Variants in EPM2A observed in about 807,000 individuals in gnomAD.
EPM2A encodes the protein EPM2A glucan phosphatase, laforin.
A neutral mutation model predicts 26.5 loss-of-function variants in EPM2A; 21 were observed. The observed-to-expected ratio is 0.79, with a 90% CI of 0.56 to 1.14. The LOEUF (loss-of-function observed/expected upper bound fraction) is 1.14. Among genes scored for constraint, EPM2A ranks in the 50% most tolerant of loss-of-function variants. EPM2A has a pLI of 0.00. For missense variants in EPM2A, 458 were observed against 440.8 expected (o/e 1.04, Z -0.35); for synonymous variants, 217 against 177.6 (o/e 1.22, Z -1.76).
rs762318737 is a variant in EPM2A at position 145,627,361 on chromosome 6, A to T, written c.*55T>A. On this transcript the variant is annotated 3_prime_UTR_variant, in exon 4 of 4. Transcript: ENST00000367519. ...TCCTTGTTTCTAGGTCATTTGACCA[A>T]CATCATCCCAGGCTCCTTAGGGAAA... 5.9e-5 allele frequency: 95 copies of T among 1,610,748 alleles called. No individual in the cohort carries two copies. Among genetic ancestry groups the T allele is most frequent in the Non-Finnish European group, 7.7e-5 (91 of 1,180,036 alleles).
At chr6:145,591,613 A>G (rs1428135351) in intron 2 of EPM2A, among the ~76,000 whole-genome samples, 1 of 152,174 alleles carries the variant, frequency 6.6e-6, no homozygotes, top group African/African-American at 2.4e-5. Context: ...ATCTTTAAAA[A>G]GTGAAGGAGA....
chr6:145,653,442 A>T (rs1778036814), intron 2 of EPM2A, among the ~76,000 whole-genome samples: 1 of 152,206 alleles, frequency 6.6e-6, no homozygotes, highest in East Asian at 1.9e-4. Flanking sequence ...TGAGTCAATT[A>T]AACCTTTTTT....
chr6:145,509,393 A>G (rs1780022455), intron 2 of EPM2A, among the ~76,000 whole-genome samples: 1 of 152,220 alleles, frequency 6.6e-6, no homozygotes, highest in Non-Finnish European at 1.5e-5. Flanking sequence ...ACAGACTTTC[A>G]GCAGAAATCT....
chr6:145,723,750 A>T lies in EPM2A; in HGVS notation c.301+11448T>A, dbSNP rs181884108. Among the ~76,000 whole-genome samples, 350 of 152,218 alleles carry T rather than the reference A, an allele frequency of 2.3e-3. 1 individual carries two copies. Among genetic ancestry groups the T allele is most frequent in the Middle Eastern group, 0.014 (4 of 294 alleles). ...CTTCAGGGCATTTCCAAACCATGAC[A>T]TAGGGATGTGGGACTTTACTCTCAC... On this transcript the variant is annotated intron_variant, in intron 1 of 3. Transcript: ENST00000367519.
At chr6:145,559,824 T>A (rs1159659842) in intron 2 of EPM2A, among the ~76,000 whole-genome samples, 1 of 152,044 alleles carries the variant, frequency 6.6e-6, no homozygotes, top group Admixed American at 6.6e-5. Flanking sequence ...ACAATTATAG[T>A]AAGCACACTC....
At chr6:145,653,547 T>A (rs1484150461) in intron 2 of EPM2A, among the ~76,000 whole-genome samples, 2 of 152,234 alleles carry the variant, frequency 1.3e-5, no homozygotes, top group Non-Finnish European at 2.9e-5. Context: ...CTATCAGTGT[T>A]CTCTAGAGAA....
Position 145,428,309 on chromosome 6 carries a change from G to T in EPM2A, c.556-44212C>A, listed in dbSNP as rs535797596. On this transcript the variant is annotated intron_variant, in intron 4 of 4. Coordinates refer to the EPM2A transcript ENST00000638717. ...TTTAGTTTTCCAGTTATATTTTTGTGATTTTTGAATCTGTCTTTCTCTGCC... is the reference window on the plus strand; with the variant it reads ...TTTAGTTTTCCAGTTATATTTTTGTTATTTTTGAATCTGTCTTTCTCTGCC... Among the ~76,000 whole-genome samples the T allele has an allele frequency of 9.9e-5, 15 of 151,874 alleles. No homozygotes were observed. The South Asian group carries it at 3.1e-3, about 32-fold the overall frequency.
At chr6:145,613,713 G>GA (rs1234857800) in intron 2 of EPM2A, among the ~76,000 whole-genome samples, 12 of 152,152 alleles carry the variant, frequency 7.9e-5, no homozygotes, top group African/African-American at 2.9e-4. Context: ...TTTGTATTTG[G>GA]AAAGAGATTT....
At chr6:145,644,049 G>C (rs1308920972) in intron 2 of EPM2A, among the ~76,000 whole-genome samples, 2 of 152,010 alleles carry the variant, frequency 1.3e-5, no homozygotes, top group African/African-American at 2.4e-5. Flanking sequence ...CACAGTTCGA[G>C]TATCAACAAA....
intron 4 of EPM2A, among the ~76,000 whole-genome samples, chr6:145,423,068 A>G (rs1164593120): frequency 6.6e-6 from 1 of 152,150 alleles, no homozygotes; most frequent in African/African-American, 2.4e-5. Flanking sequence ...TACAAAATAT[A>G]TGGTCTTTTC....
chr6:145,730,721 T>C (rs1046638268), intron 1 of EPM2A, among the ~76,000 whole-genome samples: 5 of 152,204 alleles, frequency 3.3e-5, no homozygotes, highest in African/African-American at 1.2e-4. Context: ...TTACTTGCAA[T>C]TAAAGAGTCC....
intron 2 of EPM2A, among the ~76,000 whole-genome samples, chr6:145,649,616 C>T (rs1390688701): frequency 6.6e-6 from 1 of 152,108 alleles, no homozygotes; most frequent in Non-Finnish European, 1.5e-5. Flanking sequence ...ACTGGTATGC[C>T]CCTTTAAACT....
chr6:145,473,874 G>C (rs186138243), intron 4 of EPM2A, among the ~76,000 whole-genome samples: 1 of 149,134 alleles, frequency 6.7e-6, no homozygotes, highest in East Asian at 2.0e-4. Flanking sequence ...AAAGCTGAAG[G>C]ATTTTATCAA....
chr6:145,601,439 T>A (rs368659668), intron 2 of EPM2A, among the ~76,000 whole-genome samples: 1 of 152,124 alleles, frequency 6.6e-6, no homozygotes, highest in Non-Finnish European at 1.5e-5. Flanking sequence ...AATTTAGGGA[T>A]TGGAGTGAAT....
chr6:145,453,366 A>C lies in EPM2A; in HGVS notation c.555+49156T>G, dbSNP rs762163352. ...AAGCTTTCCACTCAGATGATTCCCC[A>C]TTCCCTGTTGTTTTGAAATTAAATT... On this transcript the variant is annotated intron_variant, in intron 4 of 4. Transcript: ENST00000638717. 1.9e-4 allele frequency among the ~76,000 whole-genome samples: 29 copies of C among 152,180 alleles called. 1 individual carries two copies. Among genetic ancestry groups the C allele is most frequent in the Non-Finnish European group, 2.9e-4 (20 of 68,032 alleles).
intron 4 of EPM2A, among the ~76,000 whole-genome samples, chr6:145,483,796 C>G (rs544566918): frequency 7.9e-5 from 12 of 152,282 alleles, no homozygotes; most frequent in African/African-American, 2.9e-4. Context: ...GCTGTTTCAG[C>G]TAACACCATG....
intron 4 of EPM2A, among the ~76,000 whole-genome samples, chr6:145,436,611 T>G (rs181441522): frequency 3.6e-4 from 55 of 152,312 alleles, no homozygotes; most frequent in African/African-American, 8.7e-4. Flanking sequence ...GAGCTTTTTT[T>G]TGTGTTTATT....
chr6:145,659,611 A>G (rs1778543352), intron 2 of EPM2A, among the ~76,000 whole-genome samples: 1 of 152,236 alleles, frequency 6.6e-6, no homozygotes, highest in South Asian at 2.1e-4. Flanking sequence ...CTAGAGATCA[A>G]TTAAAGAAAA....
chr6:145,572,468 G>A (rs531921130), intron 2 of EPM2A, among the ~76,000 whole-genome samples: 2 of 152,156 alleles, frequency 1.3e-5, no homozygotes, highest in Non-Finnish European at 2.9e-5. Context: ...TGCTGTGCAC[G>A]ACCCACTTTA....
Sources: gnomAD v4.1 joint callset for allele counts (sites outside exome capture counted in the v4.1 genomes callset) on GRCh38, gnomAD v4.1.1 for gene constraint, MANE v1.5 for transcripts, NCBI Gene and HGNC (gene_info 2026-07-23, HGNC 2026-07-21) for gene names.